GRIA1: variants seen among roughly 807,000 people sequenced by gnomAD.
GRIA1 encodes glutamate ionotropic receptor AMPA type subunit 1.
A neutral mutation model predicts 99.2 loss-of-function variants in GRIA1; 31 were observed. The ratio of observed to expected loss-of-function variants is 0.31; its 90% confidence interval spans 0.23 to 0.42. GRIA1 has a LOEUF of 0.42. Among genes scored for constraint, GRIA1 ranks in the 10% least tolerant of loss-of-function variants. The pLI is 1.00. For missense variants in GRIA1, 782 were observed against 1,157.5 expected (o/e 0.68, Z 4.71); for synonymous variants, 438 against 432.4 (o/e 1.01, Z -0.16).
At chr5:153,695,960 C>T (rs1011363701) in intron 8 of GRIA1, among the ~76,000 whole-genome samples, 3 of 152,182 alleles carry the variant, frequency 2.0e-5, no homozygotes, top group African/African-American at 7.2e-5. Flanking sequence ...AACTCTGGAA[C>T]AAGTATGTTT....
rs111563863 is a variant in GRIA1 at position 153,647,255 on chromosome 5, G to GA, written c.460+93dup. ...GAGAATGATGCCTCACTGCTTCCCT[G>GA]AAAAATATGGGAAAATTATCCAAAA... On this transcript the variant is annotated intron_variant, in intron 3 of 15. Transcript: ENST00000285900. The GA allele has an allele frequency of 5.8e-3, 8,220 of 1,428,246 alleles. 412 individuals carry two copies. In the African/African-American group the frequency reaches 0.11, roughly 18 times the overall value. 88.5% of individuals were successfully genotyped at this position (1,428,246 alleles called of 1,614,324 possible).
At chr5:153,683,668 T>C (rs2149494069) in intron 7 of GRIA1, among the ~76,000 whole-genome samples, 1 of 152,326 alleles carries the variant, frequency 6.6e-6, no homozygotes, top group South Asian at 2.1e-4. Context: ...AGTCCCCTTG[T>C]CTTAGACAAC....
intron 2 of GRIA1, among the ~76,000 whole-genome samples, chr5:153,527,343 A>G (rs1018788835): frequency 6.6e-6 from 1 of 152,172 alleles, no homozygotes; most frequent in African/African-American, 2.4e-5. Flanking sequence ...TGTTAGTTAC[A>G]TCATATTAGG....
chr5:153,507,114 C>A lies in GRIA1; in HGVS notation c.220+13049C>A, dbSNP rs180886828. ...CTCCAGCCTGGGAGAAAGAGTGAGA[C>A]TCCTTCTCAAAAAATAATAATAATA... On this transcript the variant is annotated intron_variant, in intron 2 of 15. Transcript: ENST00000285900. Among the ~76,000 whole-genome samples the A allele has an allele frequency of 3.8e-3, 574 of 152,166 alleles. 7 individuals are homozygous for A. Among genetic ancestry groups the A allele is most frequent in the South Asian group, 0.023 (110 of 4,814 alleles).
intron 2 of GRIA1, among the ~76,000 whole-genome samples, chr5:153,639,937 A>G (rs1325543972): frequency 6.6e-6 from 1 of 152,232 alleles, no homozygotes; most frequent in Non-Finnish European, 1.5e-5. Context: ...TTTAGTTTAA[A>G]CTCTGTTATC....
At position 153,499,613 on chromosome 5, in the gene GRIA1, C is replaced by CAAAAAAAAAA. The variant is rs70976100; in HGVS notation, c.220+5566_220+5575dup. The stretch of plus-strand genomic sequence containing the variant: ...CTGGCAACAGAGCGAGAATTTGTCT[C>CAAAAAAAAAA]AAAAAAAAAAAAAAAAAAAAAAAAA... On this transcript the variant is annotated intron_variant, in intron 2 of 15. Transcript: ENST00000285900. Among the ~76,000 whole-genome samples, 110 of 42,118 alleles carry CAAAAAAAAAA rather than the reference C, an allele frequency of 2.6e-3. 5 individuals are homozygous for CAAAAAAAAAA. The highest frequency in any genetic ancestry group is 9.4e-3 in the African/African-American group (101 of 10,784). 27.6% of individuals were successfully genotyped at this position (42,118 alleles called of 152,430 possible). A position where few individuals can be genotyped will look rare whatever the true frequency, so the allele number is the denominator to read the frequency against.
At chr5:153,755,173 A>T (rs1441015783) in intron 11 of GRIA1, among the ~76,000 whole-genome samples, 1 of 152,232 alleles carries the variant, frequency 6.6e-6, no homozygotes, top group African/African-American at 2.4e-5. Flanking sequence ...CTCGAGGCTC[A>T]TCAGAGTTTG....
intron 11 of GRIA1, among the ~76,000 whole-genome samples, chr5:153,738,858 G>A (rs1761577117): frequency 6.6e-6 from 1 of 151,690 alleles, no homozygotes; most frequent in South Asian, 2.1e-4. Context: ...AAGTAGCTGG[G>A]ATTACAGGCA....
chr5:153,675,324 C>T (rs1756494986), intron 6 of GRIA1, among the ~76,000 whole-genome samples: 1 of 152,192 alleles, frequency 6.6e-6, no homozygotes. Context: ...ATCAGGGCAA[C>T]CTAACTAAGG....
intron 14 of GRIA1, among the ~76,000 whole-genome samples, chr5:153,798,501 T>C (rs1434709490): frequency 2.0e-5 from 3 of 152,160 alleles, no homozygotes; most frequent in African/African-American, 2.4e-5. Context: ...TTAGATAGGA[T>C]ATAGAGAGAA....
intron 5 of GRIA1, among the ~76,000 whole-genome samples, chr5:153,663,976 T>C (rs2149474169): frequency 6.6e-6 from 1 of 152,324 alleles, no homozygotes; most frequent in African/African-American, 2.4e-5. Flanking sequence ...TTCAGATATG[T>C]AAGACAGTGA....
At position 153,698,045 on chromosome 5, in the gene GRIA1, T is replaced by C. The variant is rs1448268084; in HGVS notation, c.1136T>C (p.Ile379Thr). 1.9e-6 allele frequency: 3 copies of C among 1,568,968 alleles called. No individual in the cohort carries two copies. The highest frequency in any genetic ancestry group is 2.6e-6 in the Non-Finnish European group (3 of 1,139,288). ...IEMKHDGIRK[I>T]GYWNEDDKFV... The stretch of plus-strand genomic sequence containing the variant: ...CCTCCACTCTCTTCTCATTAACAGA[T>C]TGGTTACTGGAATGAAGATGATAAG... Residue 379 changes from isoleucine to threonine, a missense_variant and splice_region_variant, in exon 9 of 16, where the codon ATT (isoleucine) becomes ACT (threonine). Transcript: ENST00000285900.
At chr5:153,592,249 A>G (rs1764037992) in intron 2 of GRIA1, among the ~76,000 whole-genome samples, 1 of 152,246 alleles carries the variant, frequency 6.6e-6, no homozygotes, top group Admixed American at 6.5e-5. Flanking sequence ...TAAAGGTCAG[A>G]GAGTGTCCCT....
At chr5:153,654,410 A>C (rs551899280) in intron 4 of GRIA1, among the ~76,000 whole-genome samples, 1 of 152,258 alleles carries the variant, frequency 6.6e-6, no homozygotes, top group East Asian at 1.9e-4. Context: ...TTAAAATATC[A>C]TGTCTTTGCT....
At chr5:153,500,025 C>T (rs1754834504) in intron 2 of GRIA1, among the ~76,000 whole-genome samples, 1 of 152,228 alleles carries the variant, frequency 6.6e-6, no homozygotes, top group Admixed American at 6.5e-5. Context: ...AAGTTGGCTC[C>T]TCAATCTTCA....
intron 2 of GRIA1, among the ~76,000 whole-genome samples, chr5:153,573,472 C>T (rs2149365401): frequency 6.6e-6 from 1 of 152,258 alleles, no homozygotes; most frequent in East Asian, 1.9e-4. Flanking sequence ...TACATGTTGG[C>T]TGCAATCATT....
At chr5:153,647,838 A>G (rs1754269398) in intron 3 of GRIA1, among the ~76,000 whole-genome samples, 1 of 152,158 alleles carries the variant, frequency 6.6e-6, no homozygotes. Context: ...TACTCATGTT[A>G]TTCCAGTTTT....
chr5:153,767,506 G>A (rs1934206454), intron 12 of GRIA1, among the ~76,000 whole-genome samples: 1 of 152,170 alleles, frequency 6.6e-6, no homozygotes, highest in Non-Finnish European at 1.5e-5. Flanking sequence ...CCTGTAAAAG[G>A]AGAGTACTGC....
intron 7 of GRIA1, among the ~76,000 whole-genome samples, chr5:153,679,289 T>TAAATAAAC (rs1554112913): frequency 7.9e-5 from 12 of 151,838 alleles, no homozygotes; most frequent in Non-Finnish European, 1.2e-4. Context: ...AATAAATAAA[T>TAAATAAAC]AAACAAACAA....
Sources: allele counts gnomAD v4.1 joint callset (sites outside exome capture counted in the v4.1 genomes callset), GRCh38; gene constraint gnomAD v4.1.1; transcripts MANE v1.5; gene names NCBI Gene and HGNC (gene_info 2026-07-23, HGNC 2026-07-21).